The following TRAK1 variants were observed in gnomAD, a reference collection of about 807,000 sequenced individuals.
TRAK1 encodes trafficking kinesin protein 1, also known as trafficking kinesin-binding protein 1.
TRAK1 carries 33 observed loss-of-function variants against 92.1 expected under a neutral mutation model. The ratio of observed to expected loss-of-function variants is 0.36; its 90% CI spans 0.27 to 0.48. The LOEUF is 0.48. Among genes scored for constraint, TRAK1 ranks in the 20% least tolerant of loss-of-function variants. The probability of loss-of-function intolerance (pLI) is 0.99; values close to 1 mark genes in which losing one functional copy is unlikely to be tolerated. For missense variants in TRAK1, 1,123 were observed against 1,257.9 expected, an observed-to-expected ratio of 0.89 and a Z score of 1.62; for synonymous variants, 521 against 517.3, an observed-to-expected ratio of 1.01 and a Z score of -0.10.
intron 1 of TRAK1, among the ~76,000 whole-genome samples, chr3:42,060,625 C>CTTTTTTTT (rs1299725245): frequency 1.0e-3 from 125 of 123,264 alleles, no homozygotes; most frequent in African/African-American, 3.9e-3. Context: ...TTTTTGGCTG[C>CTTTTTTTT]TTTTTTTTTT....
At position 42,189,496 on chromosome 3, in the gene TRAK1, AG is replaced by A. The variant is rs201714898; in HGVS notation, c.690+373del. Among the ~76,000 whole-genome samples, 1,238 of 152,272 alleles carry A rather than the reference AG, an allele frequency of 8.1e-3. 17 individuals carry two copies. The highest frequency in any genetic ancestry group is 0.029 in the African/African-American group (1,188 of 41,550). On this transcript the variant is annotated intron_variant, in intron 6 of 15. Transcript: ENST00000327628. Reference sequence around the variant, plus strand: ...CCACAGATCAGATGCTCAAGGAAGTAGTCCATGGGTGCTCAGAGAGAGCCAT... The same window carrying A: ...CCACAGATCAGATGCTCAAGGAAGTATCCATGGGTGCTCAGAGAGAGCCAT...
chr3:42,030,191 T>TGGGA (rs1292530571), intron 1 of TRAK1, among the ~76,000 whole-genome samples: 5 of 152,012 alleles, frequency 3.3e-5, no homozygotes, highest in African/African-American at 1.2e-4. Context: ...CCCAGCACTT[T>TGGGA]GGGAGGCTGA....
At chr3:42,090,412 G>A (rs890189153), upstream of TRAK1, among the ~76,000 whole-genome samples, 3 of 152,354 alleles carry the variant, frequency 2.0e-5, no homozygotes, top group East Asian at 1.9e-4. Context: ...ACAGCTGGGC[G>A]TGGTGGCTCA....
At chr3:42,108,492 TAAAAAAAAAAAA>T (rs10578367) in intron 1 of TRAK1, among the ~76,000 whole-genome samples, 1 of 120,266 alleles carries the variant, frequency 8.3e-6, no homozygotes, top group Non-Finnish European at 1.7e-5. Context: ...ACCCTGCCTT[TAAAAAAAAAAAA>T]AAAAAAAAAA....
upstream of TRAK1, among the ~76,000 whole-genome samples, chr3:42,087,889 G>A (rs1374498852): frequency 6.6e-6 from 1 of 152,210 alleles, no homozygotes; most frequent in Non-Finnish European, 1.5e-5. Flanking sequence ...ACAGATACCT[G>A]TGTCAGTCAT....
At chr3:42,014,332 G>A (rs944802033) in intron 1 of TRAK1, among the ~76,000 whole-genome samples, 1 of 152,162 alleles carries the variant, frequency 6.6e-6, no homozygotes, top group African/African-American at 2.4e-5. Flanking sequence ...TGTCGGCCAC[G>A]CCGCGTGGCC....
chr3:42,196,704 A>ATT (rs35460407), intron 10 of TRAK1, among the ~76,000 whole-genome samples: 2 of 142,114 alleles, frequency 1.4e-5, no homozygotes, highest in East Asian at 2.1e-4. Context: ...CGCCCGGCTA[A>ATT]TTTTTTTTTT....
At chr3:42,153,398 A>C (rs1347285809) in intron 2 of TRAK1, among the ~76,000 whole-genome samples, 1 of 152,050 alleles carries the variant, frequency 6.6e-6, no homozygotes, top group East Asian at 1.9e-4. Context: ...TCCTGTCTTA[A>C]AAAAAATAAA....
chr3:42,149,618 A>C, intron 2 of TRAK1: 1 of 1,536,076 alleles, frequency 6.5e-7, no homozygotes, highest in Non-Finnish European at 8.7e-7. Context: ...GGCCCCTGCA[A>C]AACAGAGCCG....
chr3:42,044,775 T>C (rs939987743), intron 1 of TRAK1, among the ~76,000 whole-genome samples: 12 of 152,326 alleles, frequency 7.9e-5, no homozygotes, highest in Non-Finnish European at 1.2e-4. Context: ...ATGGCAAAGA[T>C]CAACCACTGA....
intron 1 of TRAK1, among the ~76,000 whole-genome samples, chr3:42,027,533 A>T (rs572761444): frequency 4.6e-5 from 7 of 152,252 alleles, no homozygotes; most frequent in Admixed American, 2.6e-4. Context: ...AAAAAAAAAA[A>T]AAGTAAAGCT....
At chr3:42,189,153 G>C (rs766511748) in intron 6 of TRAK1, 29 bp downstream of exon 6, 2 of 1,545,092 alleles carry the variant, frequency 1.3e-6, no homozygotes, top group Admixed American at 3.3e-5. Context: ...TCTTGCCCCT[G>C]CTAGAAGGGT....
chr3:42,173,136 ACTCTGT>A (rs1281883686), intron 2 of TRAK1, among the ~76,000 whole-genome samples: 1 of 151,890 alleles, frequency 6.6e-6, no homozygotes, highest in African/African-American at 2.4e-5. Flanking sequence ...ACAGAGCGAG[ACTCTGT>A]CTCTAACAAA....
intron 12 of TRAK1, 141 bp downstream of exon 12, chr3:42,201,195 G>A (rs9846541): frequency 0.25 from 225,411 of 903,928 alleles, 30,991 homozygotes; most frequent in East Asian, 0.44. Context: ...GTGGTGGCTC[G>A]CGCCTATAAT....
At chr3:42,220,724 T>C in intron 15 of TRAK1, 1 of 520,770 alleles carries the variant, frequency 1.9e-6, no homozygotes, top group Non-Finnish European at 2.5e-6. Context: ...TAACTCGGCC[T>C]TGATGGTCGA....
intron 2 of TRAK1, among the ~76,000 whole-genome samples, chr3:42,174,935 T>G (rs1190264041): frequency 6.6e-6 from 1 of 151,930 alleles, no homozygotes; most frequent in Non-Finnish European, 1.5e-5. Context: ...ATAATTACAG[T>G]TACCTTAATT....
chr3:42,159,519 G>T (rs573673334), intron 2 of TRAK1, among the ~76,000 whole-genome samples: 1 of 152,292 alleles, frequency 6.6e-6, no homozygotes, highest in South Asian at 2.1e-4. Context: ...CTTTCTGCAG[G>T]CAACTTTGCA....
chr3:42,178,865 C>T (rs1703588126), intron 3 of TRAK1, among the ~76,000 whole-genome samples: 4 of 152,070 alleles, frequency 2.6e-5, no homozygotes, highest in African/African-American at 9.7e-5. Context: ...ATCCCAGCTA[C>T]TCGGGAGGCT....
chr3:42,153,537 A>G (rs528571958), intron 2 of TRAK1, among the ~76,000 whole-genome samples: 1 of 152,144 alleles, frequency 6.6e-6, no homozygotes, highest in East Asian at 1.9e-4. Flanking sequence ...GATAGATTTG[A>G]ATGTTGGGGT....
Sources: allele counts gnomAD v4.1 joint callset (sites outside exome capture counted in the v4.1 genomes callset), GRCh38; gene constraint gnomAD v4.1.1; transcripts MANE v1.5; gene names NCBI Gene and HGNC (gene_info 2026-07-23, HGNC 2026-07-21).